Variants in MAGI2 observed in about 807,000 individuals in gnomAD.
The protein encoded by MAGI2 is membrane associated guanylate kinase, WW and PDZ domain containing 2, also known as membrane-associated guanylate kinase, WW and PDZ domain-containing protein 2.
Under a neutral mutation model 133.3 loss-of-function variants are expected in MAGI2, and 35 were observed. That is an observed-to-expected ratio of 0.26 (90% CI 0.20 to 0.35). The LOEUF (loss-of-function observed/expected upper bound fraction) is 0.35. Ranked by LOEUF, MAGI2 falls within the 10% of genes least tolerant of loss-of-function variation. The probability of loss-of-function intolerance (pLI) is 1.00; values close to 1 mark genes in which losing one functional copy is unlikely to be tolerated. For synonymous variants in MAGI2, 729 were observed against 710.6 expected (o/e 1.03, Z -0.41); for missense variants, 1,636 against 1,863.4 (o/e 0.88, Z 2.25).
At chr7:79,120,170 A>G (rs1278642712) in intron 1 of MAGI2, among the ~76,000 whole-genome samples, 1 of 152,014 alleles carries the variant, frequency 6.6e-6, no homozygotes, top group Admixed American at 6.6e-5. Context: ...AAGTAGTCTG[A>G]TTGCCTTTTT....
intron 1 of MAGI2, among the ~76,000 whole-genome samples, chr7:79,250,449 C>A (rs1207291142): frequency 6.7e-6 from 1 of 149,966 alleles, no homozygotes; most frequent in African/African-American, 2.5e-5. Flanking sequence ...TTGTATATAA[C>A]AAAAGCGAAC....
At chr7:79,129,471 A>C (rs757520848) in intron 1 of MAGI2, among the ~76,000 whole-genome samples, 1 of 152,204 alleles carries the variant, frequency 6.6e-6, no homozygotes, top group Non-Finnish European at 1.5e-5. Flanking sequence ...ACGTAATGCA[A>C]CTTTCAGGAT....
chr7:78,815,904 A>C (rs1789535854), intron 2 of MAGI2, among the ~76,000 whole-genome samples: 1 of 152,192 alleles, frequency 6.6e-6, no homozygotes, highest in African/African-American at 2.4e-5. Context: ...TTAAAGGGAG[A>C]GTTGCATGTC....
chr7:79,118,980 A>G (rs1189910649), intron 1 of MAGI2, among the ~76,000 whole-genome samples: 1 of 152,180 alleles, frequency 6.6e-6, no homozygotes, highest in Non-Finnish European at 1.5e-5. Flanking sequence ...GTCTTTAGAT[A>G]GAAGTTGAAA....
intron 1 of MAGI2, among the ~76,000 whole-genome samples, chr7:79,301,117 T>A (rs1351649220): frequency 6.6e-6 from 1 of 152,222 alleles, no homozygotes; most frequent in Non-Finnish European, 1.5e-5. Flanking sequence ...GAACCTCTGC[T>A]ATGGCAAGGC....
At chr7:78,924,671 C>T (rs1380645763) in intron 2 of MAGI2, among the ~76,000 whole-genome samples, 4 of 151,842 alleles carry the variant, frequency 2.6e-5, no homozygotes, top group Non-Finnish European at 4.4e-5. Flanking sequence ...TTGGTTGTGT[C>T]TCTGCCTGGC....
intron 2 of MAGI2, among the ~76,000 whole-genome samples, chr7:78,937,348 A>G (rs1218555226): frequency 6.6e-6 from 1 of 152,192 alleles, no homozygotes; most frequent in Admixed American, 6.5e-5. Flanking sequence ...ATTCCTTTTA[A>G]TAGAATTCCA....
At chr7:78,360,318 A>G (rs1792644528) in intron 7 of MAGI2, among the ~76,000 whole-genome samples, 1 of 152,210 alleles carries the variant, frequency 6.6e-6, no homozygotes, top group South Asian at 2.1e-4. Flanking sequence ...CACCAAAGGA[A>G]AAAAAAGTGG....
rs147300397 is a variant in MAGI2 at position 79,011,924 on chromosome 7, C to CCTTTCTTTCTTTCTTT, written c.302-4734_302-4719dup. Among the ~76,000 whole-genome samples, 314 of 121,274 alleles carry CCTTTCTTTCTTTCTTT rather than the reference C, an allele frequency of 2.6e-3. 5 individuals carry two copies. In the East Asian group the frequency reaches 0.045, roughly 18 times the overall value. The allele number at this position is 121,274 out of a possible 152,430, so 79.6% of individuals were successfully genotyped here. On this transcript the variant is annotated intron_variant, in intron 1 of 21. Coordinates refer to ENST00000354212, the MANE Select transcript of MAGI2 (RefSeq NM_012301.4). ...TCCTTCCTTCCTTCCTTCCTTCCTT[C>CCTTTCTTTCTTTCTTT]CTTTCTTTCTTTCTTTCTTTCTTTC... is the stretch of plus-strand genomic sequence containing the variant.
rs117343543 is a variant in MAGI2 at position 78,816,778 on chromosome 7, C to G, written c.419-189539G>C. Among the ~76,000 whole-genome samples, 1,172 of 152,276 alleles carry G rather than the reference C, an allele frequency of 7.7e-3. 40 individuals are homozygous for G. The highest frequency in any genetic ancestry group is 0.051 in the Admixed American group (774 of 15,294). ...AAAATGTTACTGCTCATTGACAATGCACTTGGTCACCCAAGAACTCTGTTG... is the reference window on the plus strand; with the variant it reads ...AAAATGTTACTGCTCATTGACAATGGACTTGGTCACCCAAGAACTCTGTTG... On this transcript the variant is annotated intron_variant, in intron 2 of 21. Coordinates refer to ENST00000354212, the MANE Select transcript of MAGI2 (RefSeq NM_012301.4).
intron 9 of MAGI2, among the ~76,000 whole-genome samples, chr7:78,289,744 T>TAACA (rs1338349756): frequency 2.0e-5 from 3 of 152,192 alleles, no homozygotes; most frequent in African/African-American, 7.2e-5. Flanking sequence ...CCCGTCAGAC[T>TAACA]AACAGCAGAT....
intron 1 of MAGI2, among the ~76,000 whole-genome samples, chr7:79,019,967 A>C (rs1222664006): frequency 6.6e-6 from 1 of 152,212 alleles, no homozygotes; most frequent in Non-Finnish European, 1.5e-5. Context: ...AATGGGTAAA[A>C]GGCAAAGGTT....
chr7:78,686,584 A>G (rs1342934258), intron 2 of MAGI2, among the ~76,000 whole-genome samples: 1 of 151,168 alleles, frequency 6.6e-6, no homozygotes, highest in African/African-American at 2.4e-5. Context: ...AAAGGAACAG[A>G]TGAAGAATTT....
At chr7:78,502,851 A>G (rs1263235022) in intron 4 of MAGI2, among the ~76,000 whole-genome samples, 1 of 152,208 alleles carries the variant, frequency 6.6e-6, no homozygotes, top group Non-Finnish European at 1.5e-5. Flanking sequence ...GAAGGAACGC[A>G]CAAGGAAGAA....
intron 1 of MAGI2, among the ~76,000 whole-genome samples, chr7:79,089,106 G>A (rs1440286006): frequency 6.6e-6 from 1 of 151,890 alleles, no homozygotes. Context: ...AAGTTTACAA[G>A]AAAAAGACAA....
rs542313033 is a variant in MAGI2, at chr7:79,293,812, G to A, written c.301+159208C>T. On this transcript the variant is annotated intron_variant, in intron 1 of 21. Coordinates refer to ENST00000354212, the MANE Select transcript of MAGI2 (RefSeq NM_012301.4). ...TCATTAAATAAACATTTGCTCAAGC[G>A]CCTTTTATGCTGTAGGCACAGTGTT... Among the ~76,000 whole-genome samples, 47 of 152,284 alleles carry A rather than the reference G, an allele frequency of 3.1e-4. 1 individual carries two copies. The highest frequency in any genetic ancestry group is 2.9e-3 in the Admixed American group (45 of 15,298).
chr7:78,626,118 T>C (rs1383076364), intron 3 of MAGI2, among the ~76,000 whole-genome samples: 1 of 152,184 alleles, frequency 6.6e-6, no homozygotes, highest in African/African-American at 2.4e-5. Flanking sequence ...AGCAGCAAAG[T>C]ATATATCATG....
chr7:78,910,970 T>C (rs1349953439), intron 2 of MAGI2, among the ~76,000 whole-genome samples: 1 of 152,250 alleles, frequency 6.6e-6, no homozygotes, highest in Non-Finnish European at 1.5e-5. Flanking sequence ...TGAGGAATTC[T>C]ATGGCCTATG....
Position 78,160,215 on chromosome 7 carries a change from A to T in MAGI2, c.2655T>A (p.Ser885=), listed in dbSNP as rs910812402. ...TGTAGGTTGCGTAGTCACTGCGTGG[A>T]GAGCTGTGGTGGGTGGATACAGAGC... ...SPGSVSTHHS[S]PRSDYATYTN... is the part of the protein sequence containing the mutation. Residue 885 remains serine (S), a synonymous_variant, in exon 16 of 22, where the codon TCT becomes TCA. Coordinates refer to ENST00000354212, the MANE Select transcript of MAGI2 (RefSeq NM_012301.4). The T allele has an allele frequency of 6.2e-7, 1 of 1,612,362 alleles. No individual in the cohort carries two copies. Among genetic ancestry groups the T allele is most frequent in the Non-Finnish European group, 8.5e-7 (1 of 1,179,078 alleles).
Sources: gnomAD v4.1 joint callset for allele counts (sites outside exome capture counted in the v4.1 genomes callset) on GRCh38, gnomAD v4.1.1 for gene constraint, MANE v1.5 for transcripts, NCBI Gene and HGNC (gene_info 2026-07-23, HGNC 2026-07-21) for gene names.